CLPX: variants seen among roughly 807,000 people sequenced by gnomAD.
The protein encoded by CLPX is ATP-dependent clpX-like chaperone, mitochondrial.
Under a neutral mutation model 76.4 loss-of-function variants are expected in CLPX, and 34 were observed. The observed-to-expected ratio is 0.45, with a 90% CI of 0.34 to 0.59. CLPX has a LOEUF of 0.59. Ranked by LOEUF, CLPX falls within the 20% of genes least tolerant of loss-of-function variation. The pLI is 0.01. For synonymous variants in CLPX, 248 were observed against 270.9 expected (o/e 0.92, Z 0.83); for missense variants, 613 against 757.0 (o/e 0.81, Z 2.23).
At chr15:65,173,510 A>G (rs1392461343) in intron 3 of CLPX, among the ~76,000 whole-genome samples, 1 of 152,194 alleles carries the variant, frequency 6.6e-6, no homozygotes, top group East Asian at 1.9e-4. Context: ...GAAACTAAAC[A>G]GAGTTACCAC....
intron 1 of CLPX, 141 bp from the exon 2 acceptor site, chr15:65,180,345 C>A: frequency 1.9e-6 from 1 of 534,172 alleles, no homozygotes; most frequent in East Asian, 3.1e-5. Context: ...AAAAATGACA[C>A]CAACGGAGGC....
intron 12 of CLPX, among the ~76,000 whole-genome samples, chr15:65,152,989 C>T (rs1022026073): frequency 1.3e-5 from 2 of 151,878 alleles, no homozygotes; most frequent in Non-Finnish European, 2.9e-5. Context: ...CTCAAGCAAT[C>T]CTCCTGCCTT....
chr15:65,185,222 C>T lies in CLPX; in HGVS notation c.-69G>A, dbSNP rs557458774. On this transcript the variant is annotated 5_prime_UTR_variant, in exon 1 of 14. Coordinates refer to ENST00000300107, the MANE Select transcript of CLPX (RefSeq NM_006660.5). ...GGGTCACAGCGGCGTGAATCCTGCCCGCAAGGCGCGCTGACTCGGTTCCGA... is the reference window on the plus strand; with the variant it reads ...GGGTCACAGCGGCGTGAATCCTGCCTGCAAGGCGCGCTGACTCGGTTCCGA... 2.0e-3 allele frequency: 2,627 copies of T among 1,327,688 alleles called. 6 individuals are homozygous for T. Among genetic ancestry groups the T allele is most frequent in the Non-Finnish European group, 2.5e-3 (2,406 of 952,730 alleles). The allele number at this position is 1,327,688 out of a possible 1,614,324, so 82.2% of individuals were successfully genotyped here.
intron 3 of CLPX, among the ~76,000 whole-genome samples, chr15:65,169,752 T>C (rs946081265): frequency 6.6e-6 from 1 of 151,578 alleles, no homozygotes; most frequent in African/African-American, 2.4e-5. Context: ...TATATGGATA[T>C]ATTTACTTTT....
In CLPX at chr15:65,170,320, G is replaced by GA. The variant is rs530790044; in HGVS notation, c.359-3536dup. Among the ~76,000 whole-genome samples the GA allele has an allele frequency of 5.3e-4, 77 of 144,844 alleles. 1 individual carries two copies. The highest frequency in any genetic ancestry group is 5.0e-3 in the East Asian group (25 of 5,002). On this transcript the variant is annotated intron_variant, in intron 3 of 13. Coordinates refer to ENST00000300107, the MANE Select transcript of CLPX (RefSeq NM_006660.5). ...CCAACTAGAAAGAGAGAACTGCAGA[G>GA]AAAAAAAAAAATTCATGGAATTTTT...
intron 3 of CLPX, among the ~76,000 whole-genome samples, chr15:65,173,672 A>G (rs905146580): frequency 1.3e-5 from 2 of 152,226 alleles, no homozygotes; most frequent in Admixed American, 1.3e-4. Context: ...ATGAATGTCT[A>G]AACAATGAAA....
intron 1 of CLPX, 95 bp downstream of exon 1, chr15:65,184,980 A>G: frequency 9.7e-7 from 1 of 1,026,470 alleles, no homozygotes; most frequent in Non-Finnish European, 1.5e-6. Flanking sequence ...CCCCGGGTGC[A>G]GCAGGCCTCG....
chr15:65,163,462 G>A (rs1414467155), intron 5 of CLPX, among the ~76,000 whole-genome samples: 2 of 152,104 alleles, frequency 1.3e-5, no homozygotes, highest in Non-Finnish European at 2.9e-5. Context: ...AATCTAAAAT[G>A]ATGGAATATA....
chr15:65,155,517 G>C (rs2087777280), intron 10 of CLPX, among the ~76,000 whole-genome samples, 175 bp downstream of exon 10: 1 of 152,122 alleles, frequency 6.6e-6, no homozygotes. Context: ...CAAAGAACTG[G>C]GATTATAGGC....
chr15:65,154,744 A>C (rs1168399778), intron 11 of CLPX, 38 bp downstream of exon 11: 1 of 1,495,164 alleles, frequency 6.7e-7, no homozygotes, highest in Non-Finnish European at 9.1e-7. Flanking sequence ...ATAGCAAGAA[A>C]ATAAAAAATA....
In CLPX at chr15:65,180,119, T is replaced by A; in HGVS notation, c.165A>T (p.Arg55Ser). ...ETQILQRAPL[R>S]SFTETPAYFA... ...AGTATGCTGGTGTTTCTGTAAAGGA[T>A]CTAAGAGGAGCTCTTTGCAGAATCT... Residue 55 changes from arginine (R) to serine (S), a missense_variant, in exon 2 of 14, where the codon AGA (arginine) becomes AGT (serine). Arg to Ser is a moderately radical substitution (Grantham distance 110, BLOSUM62 -1). Transcript: ENST00000300107. 1.2e-6 allele frequency: 2 copies of A among 1,612,962 alleles called. No individual in the cohort carries two copies. The highest frequency in any genetic ancestry group is 1.7e-6 in the Non-Finnish European group (2 of 1,179,276).
intron 3 of CLPX, among the ~76,000 whole-genome samples, chr15:65,170,584 G>T (rs895231819): frequency 2.0e-5 from 3 of 151,914 alleles, no homozygotes; most frequent in African/African-American, 7.2e-5. Flanking sequence ...GGCCAACATG[G>T]CGAAACCCTG....
intron 3 of CLPX, among the ~76,000 whole-genome samples, chr15:65,171,168 CG>C (rs1447284582): frequency 6.6e-6 from 1 of 151,884 alleles, no homozygotes; most frequent in Non-Finnish European, 1.5e-5. Flanking sequence ...CATTCTGGGC[CG>C]GCCAAGGTGG....
intron 13 of CLPX, among the ~76,000 whole-genome samples, chr15:65,151,204 G>A (rs1323611740): frequency 1.3e-5 from 2 of 151,696 alleles, no homozygotes; most frequent in Non-Finnish European, 2.9e-5. Flanking sequence ...AATTAGCCGG[G>A]TGTGGTGGCA....
chr15:65,150,977 A>C lies in CLPX; in HGVS notation c.1812-64T>G, dbSNP rs914567572. ...AATGGAGGTAAACATGATCTTTAAA[A>C]TCAAAACAGCAAAGTAACCTCTCCT... is the stretch of plus-strand genomic sequence containing the variant. On this transcript the variant is annotated intron_variant, in intron 13 of 13. Transcript: ENST00000300107. The C allele has an allele frequency of 2.6e-6, 3 of 1,140,982 alleles. No homozygotes were observed. The African/African-American group carries it at 4.7e-5, about 18-fold the overall frequency. 70.7% of individuals were successfully genotyped at this position (1,140,982 alleles called of 1,614,324 possible).
chr15:65,174,137 C>T (rs1566985223), intron 3 of CLPX, among the ~76,000 whole-genome samples: 1 of 151,850 alleles, frequency 6.6e-6, no homozygotes, highest in Non-Finnish European at 1.5e-5. Context: ...ACCACACAGG[C>T]GAATTTTTTG....
intron 2 of CLPX, among the ~76,000 whole-genome samples, chr15:65,179,453 A>G (rs544614378): frequency 7.0e-4 from 106 of 152,338 alleles, no homozygotes; most frequent in Non-Finnish European, 1.4e-3. Flanking sequence ...AATGGGAATA[A>G]TTTTACTCAC....
At chr15:65,183,142 C>A (rs553569053) in intron 1 of CLPX, among the ~76,000 whole-genome samples, 4 of 149,662 alleles carry the variant, frequency 2.7e-5, no homozygotes, top group African/African-American at 7.4e-5. Context: ...CCAGCCCGGG[C>A]AACTTAGCAG....
intron 10 of CLPX, 93 bp downstream of exon 10, chr15:65,155,599 T>C: frequency 9.3e-7 from 1 of 1,075,362 alleles, no homozygotes; most frequent in East Asian, 2.4e-5. Flanking sequence ...TAATTAAAAC[T>C]ATGACTGGTA....
Sources: gnomAD v4.1 joint callset for allele counts (sites outside exome capture counted in the v4.1 genomes callset) on GRCh38, gnomAD v4.1.1 for gene constraint, MANE v1.5 for transcripts, NCBI Gene and HGNC (gene_info 2026-07-23, HGNC 2026-07-21) for gene names.